ATL2: variants seen among roughly 807,000 people sequenced by gnomAD.
The protein encoded by ATL2 is atlastin-2.
Under a neutral mutation model 73.9 loss-of-function variants are expected in ATL2, and 31 were observed. The observed-to-expected ratio is 0.42, with a 90% CI of 0.32 to 0.57. The LOEUF (loss-of-function observed/expected upper bound fraction) is 0.57, where lower values mean the gene tolerates loss of function less well. ATL2 is among the 20% of genes least tolerant of loss of function. The pLI is 0.14. For synonymous variants in ATL2, 291 were observed against 237.5 expected, an observed-to-expected ratio of 1.23 and a Z score of -2.07; for missense variants, 738 against 702.6, an observed-to-expected ratio of 1.05 and a Z score of -0.57.
chr2:38,298,670 C>CT, intron 11 of ATL2, 95 bp from the exon 12 acceptor site: 1 of 1,296,784 alleles, frequency 7.7e-7, no homozygotes, highest in Non-Finnish European at 1.1e-6. Context: ...AGTCAAACCA[C>CT]TTACATGATT....
At chr2:38,310,241 T>TA in intron 8 of ATL2, 68 bp downstream of exon 8, 8 of 1,540,648 alleles carry the variant, frequency 5.2e-6, no homozygotes, top group South Asian at 4.6e-5. Flanking sequence ...AGGCGTCATG[T>TA]ATTTTCTTAA....
intron 7 of ATL2, among the ~76,000 whole-genome samples, chr2:38,312,101 A>T (rs548543139): frequency 8.5e-5 from 13 of 152,208 alleles, no homozygotes; most frequent in African/African-American, 1.2e-4. Flanking sequence ...AAATCTTATC[A>T]ATGAAAGACA....
intron 1 of ATL2, among the ~76,000 whole-genome samples, chr2:38,344,021 G>A (rs1357570180): frequency 1.3e-5 from 2 of 152,052 alleles, no homozygotes; most frequent in East Asian, 1.9e-4. Flanking sequence ...TCTCAAGTAT[G>A]TCTTTATTAC....
At position 38,294,390 on chromosome 2, in the gene ATL2, T is replaced by C. The variant is rs117777063; in HGVS notation, c.*1604A>G. Among the ~76,000 whole-genome samples the C allele has an allele frequency of 1.3e-5, 2 of 152,174 alleles. No homozygotes were observed. Among genetic ancestry groups the C allele is most frequent in the East Asian group, 1.9e-4 (1 of 5,172 alleles). ...GGTGAAACCCCATCTCTACTTAAAATAGAAAACATTAGCCGGGAATGGTGG... is the reference window on the plus strand; with the variant it reads ...GGTGAAACCCCATCTCTACTTAAAACAGAAAACATTAGCCGGGAATGGTGG... On this transcript the variant is annotated 3_prime_UTR_variant, in exon 13 of 13. Coordinates refer to ENST00000378954, the MANE Select transcript of ATL2 (RefSeq NM_001135673.4).
In ATL2 at chr2:38,370,466, A is replaced by G. The variant is rs1322620913; in HGVS notation, c.118+6677T>C. Among the ~76,000 whole-genome samples, 6 of 145,290 alleles carry G rather than the reference A, an allele frequency of 4.1e-5. No individual in the cohort carries two copies. In the East Asian group the frequency reaches 1.3e-3, roughly 32 times the overall value. ...TCTGTCCCAAAAAAAAAAAAAAAAA[A>G]AAAAAAAAAAAAAAAATCAACCCAG... On this transcript the variant is annotated intron_variant, in intron 1 of 12. Coordinates refer to ENST00000378954, the MANE Select transcript of ATL2 (RefSeq NM_001135673.4).
At chr2:38,360,540 C>A (rs189485126) in intron 1 of ATL2, among the ~76,000 whole-genome samples, 1 of 152,218 alleles carries the variant, frequency 6.6e-6, no homozygotes, top group Non-Finnish European at 1.5e-5. Context: ...CCTCAGCCTC[C>A]CCAAAGTGCT....
intron 2 of ATL2, among the ~76,000 whole-genome samples, chr2:38,319,237 A>G (rs1361340346): frequency 6.6e-6 from 1 of 152,128 alleles, no homozygotes; most frequent in African/African-American, 2.4e-5. Context: ...AATCTTCTCA[A>G]ATCAGCTCAC....
At chr2:38,307,424 G>C (rs934403488) in intron 9 of ATL2, among the ~76,000 whole-genome samples, 2 of 150,694 alleles carry the variant, frequency 1.3e-5, no homozygotes, top group East Asian at 3.9e-4. Flanking sequence ...GCTTGAACCT[G>C]GGAGGCGGAC....
intron 1 of ATL2, among the ~76,000 whole-genome samples, chr2:38,360,466 G>A (rs1004200758): frequency 3.9e-5 from 6 of 151,962 alleles, no homozygotes; most frequent in African/African-American, 1.5e-4. Context: ...AGTTTTTGTA[G>A]AGACCAGGTC....
At chr2:38,343,225 A>C in intron 2 of ATL2, 43 bp downstream of exon 2, 1 of 1,437,146 alleles carries the variant, frequency 7.0e-7, no homozygotes, top group Non-Finnish European at 9.3e-7. Context: ...CATGGTTGGT[A>C]CTTTTTTCTT....
intron 11 of ATL2, 83 bp from the exon 12 acceptor site, chr2:38,298,658 A>G (rs983637734): frequency 2.1e-6 from 3 of 1,407,104 alleles, no homozygotes; most frequent in African/African-American, 1.4e-5. Context: ...TTAGTCTCAG[A>G]AAGTCAAACC....
At chr2:38,355,094 A>G (rs1670581255) in intron 1 of ATL2, among the ~76,000 whole-genome samples, 1 of 152,232 alleles carries the variant, frequency 6.6e-6, no homozygotes, top group African/African-American at 2.4e-5. Flanking sequence ...AGAGACTGCC[A>G]GACTGGGTAA....
At chr2:38,328,227 T>C (rs1249832397) in intron 2 of ATL2, among the ~76,000 whole-genome samples, 2 of 152,164 alleles carry the variant, frequency 1.3e-5, no homozygotes, top group Non-Finnish European at 2.9e-5. Context: ...ACAAATCCAC[T>C]ATTATACTGG....
At chr2:38,362,150 T>C (rs1409600083) in intron 1 of ATL2, among the ~76,000 whole-genome samples, 1 of 152,030 alleles carries the variant, frequency 6.6e-6, no homozygotes, top group Non-Finnish European at 1.5e-5. Context: ...TAAGAATAGG[T>C]TTAAAGGGCT....
At chr2:38,356,525 G>C (rs921205138) in intron 1 of ATL2, among the ~76,000 whole-genome samples, 8 of 152,024 alleles carry the variant, frequency 5.3e-5, no homozygotes, top group African/African-American at 1.9e-4. Flanking sequence ...TTCTAAATCT[G>C]CTGTGTATTT....
intron 7 of ATL2, among the ~76,000 whole-genome samples, chr2:38,312,412 T>C (rs1470091103): frequency 6.6e-6 from 1 of 152,140 alleles, no homozygotes; most frequent in Non-Finnish European, 1.5e-5. Flanking sequence ...TGCCATCTTG[T>C]GAAGAAGGTG....
At chr2:38,318,761 T>A (rs568345969) in intron 3 of ATL2, 122 bp from the exon 4 acceptor site, 2 of 1,330,450 alleles carry the variant, frequency 1.5e-6, no homozygotes, top group East Asian at 2.3e-5. Flanking sequence ...ATCTCATACA[T>A]TTGACATAAT....
At chr2:38,313,294 C>A (rs777944020) in intron 6 of ATL2, 51 bp from the exon 7 acceptor site, 4 of 1,366,032 alleles carry the variant, frequency 2.9e-6, no homozygotes, top group East Asian at 4.9e-5. Flanking sequence ...AGAAAATTTA[C>A]GAAAAAATCA....
chr2:38,360,952 CT>C (rs1670980208), intron 1 of ATL2, among the ~76,000 whole-genome samples: 1 of 151,862 alleles, frequency 6.6e-6, no homozygotes, highest in Admixed American at 6.6e-5. Context: ...TTGGAACAAC[CT>C]AAATACCCAT....
Sources: allele counts gnomAD v4.1 joint callset (sites outside exome capture counted in the v4.1 genomes callset), GRCh38; gene constraint gnomAD v4.1.1; transcripts MANE v1.5; gene names NCBI Gene and HGNC (gene_info 2026-07-23, HGNC 2026-07-21).